The following LPP variants were observed in gnomAD, a reference collection of about 807,000 sequenced individuals.
LPP encodes the protein lipoma-preferred partner.
Under a neutral mutation model 60.4 loss-of-function variants are expected in LPP, and 38 were observed. That is an observed-to-expected ratio of 0.63 (90% CI 0.49 to 0.83). The LOEUF is 0.83. LPP is among the 40% of genes least tolerant of loss of function. LPP has a pLI of 0.00. For synonymous variants in LPP, 328 were observed against 290.8 expected, an observed-to-expected ratio of 1.13 and a Z score of -1.30; for missense variants, 902 against 783.6, an observed-to-expected ratio of 1.15 and a Z score of -1.80.
chr3:188,428,158 C>T (rs762308788), intron 4 of LPP, among the ~76,000 whole-genome samples: 31 of 152,220 alleles, frequency 2.0e-4, no homozygotes, highest in African/African-American at 7.0e-4. Flanking sequence ...CTTCTCTTGG[C>T]TAGGAGAGGG....
At chr3:188,817,547 G>C (rs1173089776) in intron 9 of LPP, among the ~76,000 whole-genome samples, 2 of 152,072 alleles carry the variant, frequency 1.3e-5, no homozygotes, top group Non-Finnish European at 2.9e-5. Flanking sequence ...TATCCTTCTT[G>C]CTCCTGGCAA....
At chr3:188,813,250 G>C (rs1751571043) in intron 9 of LPP, among the ~76,000 whole-genome samples, 1 of 152,136 alleles carries the variant, frequency 6.6e-6, no homozygotes, top group South Asian at 2.1e-4. Context: ...AAATACCTTA[G>C]CTATTTCATT....
At chr3:188,781,828 G>C (rs988012081) in intron 9 of LPP, among the ~76,000 whole-genome samples, 1 of 150,082 alleles carries the variant, frequency 6.7e-6, no homozygotes, top group Non-Finnish European at 1.5e-5. Context: ...GGAGGCGGAC[G>C]TTGCAGTGAG....
At position 188,519,014 on chromosome 3, in the gene LPP, T is replaced by C. The variant is rs145559714; in HGVS notation, c.307-5651T>C. ...GCAAGATATGTTTATTTTCATCCCGTTTCACAATCATTAAGGCCATAGTTA... is the reference window on the plus strand; with the variant it reads ...GCAAGATATGTTTATTTTCATCCCGCTTCACAATCATTAAGGCCATAGTTA... On this transcript the variant is annotated intron_variant, in intron 5 of 11. Coordinates refer to ENST00000617246, the MANE Select transcript of LPP (RefSeq NM_001375462.1). 3.9e-5 allele frequency among the ~76,000 whole-genome samples: 6 copies of C among 152,308 alleles called. No homozygotes were observed. In the East Asian group the frequency reaches 1.2e-3, roughly 29 times the overall value.
intron 2 of LPP, among the ~76,000 whole-genome samples, chr3:188,244,919 A>C (rs1726336581): frequency 6.6e-6 from 1 of 152,142 alleles, no homozygotes; most frequent in Admixed American, 6.5e-5. Context: ...TGAATGATGG[A>C]TGAATGATTT....
chr3:188,264,694 A>T (rs1277777436), intron 2 of LPP, among the ~76,000 whole-genome samples: 1 of 152,176 alleles, frequency 6.6e-6, no homozygotes, highest in Non-Finnish European at 1.5e-5. Flanking sequence ...GACCAGCAGC[A>T]CACAGGCCAA....
rs1230096936 is a variant in LPP, at chr3:188,609,523, T to A, written c.792T>A (p.Pro264=). 1 of 1,613,728 alleles carries A rather than the reference T, an allele frequency of 6.2e-7. No homozygotes were observed. The highest frequency in any genetic ancestry group is 1.3e-5 in the African/African-American group (1 of 74,768). Residue 264 remains proline (P), a synonymous_variant, in exon 7 of 12, where the codon CCT becomes CCA. Coordinates refer to ENST00000617246, the MANE Select transcript of LPP (RefSeq NM_001375462.1). This position sits in a 1 kb window ranked among gnomAD's most constrained non-coding sequence, Gnocchi z 6.9. ...TTCCTGTCTCTGGGCAGTGTCCACC[T>A]CCTTCAACACGGGGAGGCATGGATT... The part of the protein sequence containing the change: ...QPVPVSGQCP[P]PSTRGGMDYA...
Position 188,609,811 on chromosome 3 carries a change from T to A in LPP, c.1080T>A (p.Val360=). The A allele has an allele frequency of 6.2e-7, 1 of 1,613,358 alleles. No homozygotes were observed. Among genetic ancestry groups the A allele is most frequent in the Non-Finnish European group, 8.5e-7 (1 of 1,179,812 alleles). ...AGAAGACCTATATCACAGATCCTGTTTCAGCCCCCTGTGCGCCACCATTGC... is the reference window on the plus strand; with the variant it reads ...AGAAGACCTATATCACAGATCCTGTATCAGCCCCCTGTGCGCCACCATTGC... ...GPKKTYITDP[V]SAPCAPPLQP... is the part of the protein sequence containing the mutation. Residue 360 remains valine (V), a synonymous_variant, in exon 7 of 12, where the codon GTT becomes GTA. Coordinates refer to ENST00000617246, the MANE Select transcript of LPP (RefSeq NM_001375462.1). The surrounding 1 kb of genome is among the most constrained non-coding windows in gnomAD (Gnocchi z 6.9).
chr3:188,357,067 G>T (rs779961317), intron 3 of LPP, among the ~76,000 whole-genome samples: 2 of 151,980 alleles, frequency 1.3e-5, no homozygotes, highest in South Asian at 2.1e-4. Context: ...GGTTCTCTTC[G>T]CATGGCCTAT....
Position 188,211,584 on chromosome 3 carries a change from T to C in LPP, c.-189-13821T>C, listed in dbSNP as rs185851018. Among the ~76,000 whole-genome samples, 490 of 152,296 alleles carry C rather than the reference T, an allele frequency of 3.2e-3. 4 individuals are homozygous for C. Among genetic ancestry groups the C allele is most frequent in the African/African-American group, 0.011 (468 of 41,582 alleles). ...CATTTTAGATCAGATTCATTCCTGA[T>C]TGGCTTCACTGCTCCAACTTAGTCA... On this transcript the variant is annotated intron_variant, in intron 1 of 11. Transcript: ENST00000617246.
intron 2 of LPP, among the ~76,000 whole-genome samples, chr3:188,336,056 G>T (rs897606381): frequency 6.6e-6 from 1 of 152,130 alleles, no homozygotes; most frequent in African/African-American, 2.4e-5. Flanking sequence ...TGTGGCAGTG[G>T]TGGTGGTGGC....
intron 2 of LPP, among the ~76,000 whole-genome samples, chr3:188,278,523 A>G (rs774742816): frequency 3.3e-5 from 5 of 152,160 alleles, no homozygotes; most frequent in Admixed American, 2.0e-4. Context: ...GCTGACATGC[A>G]TCTTCTAGTG....
intron 2 of LPP, among the ~76,000 whole-genome samples, chr3:188,292,831 A>G (rs750960643): frequency 6.6e-6 from 1 of 152,148 alleles, no homozygotes; most frequent in Admixed American, 6.5e-5. Flanking sequence ...GACCTCCTTG[A>G]CCCCTTGACT....
intron 1 of LPP, among the ~76,000 whole-genome samples, chr3:188,156,153 A>C (rs1235503103): frequency 6.6e-6 from 1 of 152,128 alleles, no homozygotes; most frequent in Non-Finnish European, 1.5e-5. Context: ...ACCTATTCTG[A>C]ATGGTAGGGG....
chr3:188,527,651 C>T (rs1261687920), intron 6 of LPP, among the ~76,000 whole-genome samples: 1 of 152,072 alleles, frequency 6.6e-6, no homozygotes, highest in Admixed American at 6.5e-5. Flanking sequence ...TCCACCCAAG[C>T]AAATGCCCCA....
At chr3:188,860,041 A>G (rs933102074) in intron 9 of LPP, among the ~76,000 whole-genome samples, 4 of 152,112 alleles carry the variant, frequency 2.6e-5, no homozygotes, top group Admixed American at 6.5e-5. Flanking sequence ...TTAGATTAAG[A>G]TATAGACAAA....
At chr3:188,568,747 G>A (rs13097958) in intron 6 of LPP, 47,403 of 151,812 alleles carry the variant, frequency 0.31, 7,750 homozygotes, top group African/African-American at 0.37. Flanking sequence ...GAGTGGCTTG[G>A]GGAAAGTAGA....
chr3:188,769,189 C>T (rs994427671), intron 9 of LPP, among the ~76,000 whole-genome samples: 2 of 152,162 alleles, frequency 1.3e-5, no homozygotes, highest in African/African-American at 2.4e-5. Flanking sequence ...ATAATTAACT[C>T]ATGAGCAAAA....
intron 6 of LPP, among the ~76,000 whole-genome samples, chr3:188,570,490 C>A (rs913730616): frequency 7.2e-5 from 11 of 151,964 alleles, no homozygotes; most frequent in African/African-American, 2.7e-4. Flanking sequence ...CATAAAATAG[C>A]CCAGCTGTGG....
Sources: allele counts gnomAD v4.1 joint callset (sites outside exome capture counted in the v4.1 genomes callset), GRCh38; gene constraint gnomAD v4.1.1; non-coding constraint Gnocchi (gnomAD v3.1); transcripts MANE v1.5; gene names NCBI Gene and HGNC (gene_info 2026-07-23, HGNC 2026-07-21).